The following ADAMTS14 variants were observed in gnomAD, a reference collection of about 807,000 sequenced individuals.
ADAMTS14 encodes the protein A disintegrin and metalloproteinase with thrombospondin motifs 14.
In ADAMTS14, 100 loss-of-function variants were observed where a neutral mutation model predicts 128.6. The ratio of observed to expected loss-of-function variants is 0.78; its 90% CI spans 0.66 to 0.92. The LOEUF (loss-of-function observed/expected upper bound fraction) is 0.92, where lower values mean the gene tolerates loss of function less well. Ranked by LOEUF, ADAMTS14 falls within the 40% of genes least tolerant of loss-of-function variation. The pLI, the probability that ADAMTS14 is intolerant of heterozygous loss-of-function variation, is 0.00. For missense variants in ADAMTS14, 1,562 were observed against 1,658.6 expected (o/e 0.94, Z 1.01); for synonymous variants, 665 against 653.8 (o/e 1.02, Z -0.26).
At chr10:70,752,032 G>A in intron 17 of ADAMTS14, 63 bp from the exon 18 acceptor site, 1 of 1,564,356 alleles carries the variant, frequency 6.4e-7, no homozygotes, top group East Asian at 2.2e-5. Context: ...TGCCCCTGAG[G>A]CCCCACCAGG....
At chr10:70,688,302 G>T (rs1360752704) in intron 2 of ADAMTS14, among the ~76,000 whole-genome samples, 1 of 78,670 alleles carries the variant, frequency 1.3e-5, no homozygotes, top group African/African-American at 4.5e-5. Context: ...TCACTTCCTA[G>T]ATGTGATGGC....
At chr10:70,737,006 A>G (rs1412592516) in intron 10 of ADAMTS14, among the ~76,000 whole-genome samples, 1 of 152,178 alleles carries the variant, frequency 6.6e-6, no homozygotes, top group Non-Finnish European at 1.5e-5. Flanking sequence ...CCCAGCCCAC[A>G]GCCCTTTGTC....
At chr10:70,728,336 A>T (rs1177193709) in intron 4 of ADAMTS14, among the ~76,000 whole-genome samples, 1 of 152,242 alleles carries the variant, frequency 6.6e-6, no homozygotes, top group Non-Finnish European at 1.5e-5. Flanking sequence ...TGTAGTTATT[A>T]TTAAGTCTGA....
intron 3 of ADAMTS14, among the ~76,000 whole-genome samples, chr10:70,705,296 C>G (rs1402535828): frequency 6.6e-6 from 1 of 152,168 alleles, no homozygotes; most frequent in Non-Finnish European, 1.5e-5. Flanking sequence ...CCTATTTAAT[C>G]CATGGTCCTA....
At chr10:70,707,537 G>A (rs1840704145) in intron 3 of ADAMTS14, among the ~76,000 whole-genome samples, 1 of 152,202 alleles carries the variant, frequency 6.6e-6, no homozygotes, top group African/African-American at 2.4e-5. Context: ...CGCCCCAGCA[G>A]AGTGTATTCT....
At position 70,760,617 on chromosome 10, in the gene ADAMTS14, G is replaced by A. The variant is rs1368341258; in HGVS notation, c.3436G>A (p.Gly1146Ser). Residue 1146 changes from glycine (G) to serine (S), a missense_variant, in exon 22 of 22, where the codon GGC (glycine) becomes AGC (serine). By Grantham distance (56) the Gly-to-Ser change is moderately conservative (BLOSUM62 0). Transcript: ENST00000373207. ...KPTGSEDHQH[G>S]RATQLPGALD... ...AACGGGATCAGAGGACCATCAGCAT[G>A]GCCGAGCCACACAGCTCCCAGGAGC... 2 of 1,614,096 alleles carry A rather than the reference G, an allele frequency of 1.2e-6. No homozygotes were observed. The highest frequency in any genetic ancestry group is 1.7e-6 in the Non-Finnish European group (2 of 1,180,000).
chr10:70,688,468 C>T (rs1436201055), intron 2 of ADAMTS14, among the ~76,000 whole-genome samples: 19 of 32,792 alleles, frequency 5.8e-4, no homozygotes, highest in African/African-American at 1.7e-3. Flanking sequence ...GACGGGGTGG[C>T]GGCCGGGCAG....
At chr10:70,711,029 G>T (rs1378595403) in intron 4 of ADAMTS14, among the ~76,000 whole-genome samples, 2 of 152,212 alleles carry the variant, frequency 1.3e-5, no homozygotes, top group Non-Finnish European at 2.9e-5. Flanking sequence ...GACCTGTGTT[G>T]CTCAGGGATC....
chr10:70,760,537 G>A lies in ADAMTS14; in HGVS notation c.3356G>A (p.Ser1119Asn), dbSNP rs1842584062. ...TSLPPFSTPG[S>N]PLPGPQDPAD... ...CTGCCCCCCTTCTCCACTCCTGGAA[G>A]CCCCTTACCAGGACCCCAGGACCCT... is the stretch of plus-strand genomic sequence containing the variant. The change falls in exon 22 of 22, where the codon AGC (serine) becomes AAC (asparagine). Residue 1119 changes from serine to asparagine, a missense_variant. Ser to Asn is a conservative substitution (Grantham distance 46). Coordinates refer to ENST00000373207, the MANE Select transcript of ADAMTS14 (RefSeq NM_080722.4). 1.2e-6 allele frequency: 2 copies of A among 1,613,354 alleles called. No homozygotes were observed. The highest frequency in any genetic ancestry group is 1.7e-6 in the Non-Finnish European group (2 of 1,179,718).
In ADAMTS14 at chr10:70,674,923, G is replaced by C; in HGVS notation, c.450G>C (p.Gln150His). 6.2e-7 allele frequency: 1 copy of C among 1,613,328 alleles called. No individual in the cohort carries two copies. The highest frequency in any genetic ancestry group is 8.5e-7 in the Non-Finnish European group (1 of 1,180,036). The change falls in exon 2 of 22, where the codon CAG (glutamine) becomes CAC (histidine). Residue 150 changes from glutamine (Q) to histidine (H), a missense_variant. Gln to His is a conservative substitution (Grantham distance 24). Transcript: ENST00000373207. The stretch of plus-strand genomic sequence containing the variant: ...AGCTGTTCCGGCAGCCCTTACGGCA[G>C]GAGTGTGTGTACACTGGAGGTGTCA... ...FRELFRQPLR[Q>H]ECVYTGGVTG...
chr10:70,726,131 G>A (rs912959743), intron 4 of ADAMTS14, among the ~76,000 whole-genome samples: 1 of 152,230 alleles, frequency 6.6e-6, no homozygotes, highest in Non-Finnish European at 1.5e-5. Flanking sequence ...AGTGGCATCA[G>A]GGGGCCTCAC....
intron 2 of ADAMTS14, among the ~76,000 whole-genome samples, chr10:70,689,802 C>T (rs1282514541): frequency 1.4e-5 from 2 of 145,300 alleles, no homozygotes; most frequent in Non-Finnish European, 3.2e-5. Flanking sequence ...CGCCATCGCT[C>T]CTCCTCACTG....
At chr10:70,673,616 G>C (rs564416298) in intron 1 of ADAMTS14, among the ~76,000 whole-genome samples, 30 of 152,160 alleles carry the variant, frequency 2.0e-4, no homozygotes, top group Admixed American at 4.6e-4. Flanking sequence ...TGCTATAATG[G>C]GGATGAAACT....
chr10:70,715,793 G>C (rs115288946), intron 4 of ADAMTS14, among the ~76,000 whole-genome samples: 9 of 152,272 alleles, frequency 5.9e-5, no homozygotes, highest in South Asian at 2.1e-4. Context: ...CATTCAGAAG[G>C]GGGTAGGAAG....
Position 70,728,547 on chromosome 10 carries a change from G to A in ADAMTS14, c.871-747G>A, listed in dbSNP as rs182247786. 3.3e-3 allele frequency among the ~76,000 whole-genome samples: 509 copies of A among 152,328 alleles called. 2 individuals are homozygous for A. The highest frequency in any genetic ancestry group is 0.012 in the African/African-American group (493 of 41,578). Reference sequence around the variant, plus strand: ...GTGGACAAGCAGAGGCTGAGTGTCCGCCTCATGAACACTGTTCAGGAGCTT... The same window carrying A: ...GTGGACAAGCAGAGGCTGAGTGTCCACCTCATGAACACTGTTCAGGAGCTT... On this transcript the variant is annotated intron_variant, in intron 4 of 21. Coordinates refer to ENST00000373207, the MANE Select transcript of ADAMTS14 (RefSeq NM_080722.4).
intron 4 of ADAMTS14, among the ~76,000 whole-genome samples, chr10:70,727,068 T>A (rs1841457804): frequency 6.6e-6 from 1 of 152,230 alleles, no homozygotes; most frequent in Admixed American, 6.5e-5. Context: ...GGCTGAAGCC[T>A]GACACCGGCT....
chr10:70,744,212 G>A (rs1032390743), intron 14 of ADAMTS14, 23 bp downstream of exon 14: 2 of 1,499,276 alleles, frequency 1.3e-6, no homozygotes, highest in Admixed American at 2.1e-5. Flanking sequence ...GGGGCTGGGG[G>A]GATGACGAGG....
chr10:70,735,712 C>T (rs1841806127), intron 9 of ADAMTS14, among the ~76,000 whole-genome samples: 2 of 152,192 alleles, frequency 1.3e-5, no homozygotes, highest in South Asian at 2.1e-4. Context: ...CTCTCCAGAG[C>T]GTCAGTTCCA....
chr10:70,716,436 G>T (rs574971590), intron 4 of ADAMTS14, among the ~76,000 whole-genome samples: 8 of 152,222 alleles, frequency 5.3e-5, no homozygotes, highest in African/African-American at 1.9e-4. Context: ...TACATGGGCG[G>T]TGTGGGGTTC....
Sources: allele counts gnomAD v4.1 joint callset (sites outside exome capture counted in the v4.1 genomes callset), GRCh38; gene constraint gnomAD v4.1.1; transcripts MANE v1.5; gene names NCBI Gene and HGNC (gene_info 2026-07-23, HGNC 2026-07-21).